The following KRTAP10-12 variants were observed in gnomAD, a reference collection of about 807,000 sequenced individuals.
KRTAP10-12 encodes keratin-associated protein 10-12.
For missense variants in KRTAP10-12, 311 were observed against 324.4 expected (o/e 0.96, Z 0.32); for synonymous variants, 142 against 139.1 (o/e 1.02, Z -0.14).
At position 44,697,661 on chromosome 21, in the gene KRTAP10-12, C is replaced by G; in HGVS notation, c.460C>G (p.Pro154Ala). The change falls in exon 1 of 1, where the codon CCC becomes GCC. Residue 154 changes from proline to alanine, a missense_variant. Pro to Ala is a conservative substitution (Grantham distance 27, BLOSUM62 -1). Transcript: ENST00000400365. ...CCCGTGTCAACAGTCCTGCTGTGTG[C>G]CCGTCTGCTGCAAGCCCATCTGCTG... ...SSPCQQSCCV[P>A]VCCKPICCVP... 1.2e-6 allele frequency: 2 copies of G among 1,612,976 alleles called. No homozygotes were observed. The highest frequency in any genetic ancestry group is 1.7e-6 in the Non-Finnish European group (2 of 1,179,894).
Position 44,697,892 on chromosome 21 carries a change from T to C in KRTAP10-12, c.691T>C (p.Cys231Arg). 6.2e-7 allele frequency: 1 copy of C among 1,603,136 alleles called. No homozygotes were observed. Among genetic ancestry groups the C allele is most frequent in the Non-Finnish European group, 8.5e-7 (1 of 1,174,542 alleles). Residue 231 changes from cysteine to arginine, a missense_variant, in exon 1 of 1, where the codon TGC (cysteine) becomes CGC (arginine). Physicochemically the swap from Cys to Arg is radical, Grantham distance 180. Coordinates refer to ENST00000400365, the MANE Select transcript of KRTAP10-12 (RefSeq NM_198699.1). ...CQPSCGRLAS[C>R]GSLLCRPTCS... Reference sequence around the variant, plus strand: ...GCCAAGCTGCGGCCGCCTGGCCTCCTGCGGGTCCCTCCTCTGCCGCCCCAC... The same window carrying C: ...GCCAAGCTGCGGCCGCCTGGCCTCCCGCGGGTCCCTCCTCTGCCGCCCCAC...
Position 44,697,359 on chromosome 21 carries a change from C to T in KRTAP10-12, c.158C>T (p.Thr53Ile), listed in dbSNP as rs781903322. 2.5e-6 allele frequency: 4 copies of T among 1,613,124 alleles called. No homozygotes were observed. The African/African-American group carries it at 5.3e-5, about 22-fold the overall frequency. Residue 53 changes from threonine (T) to isoleucine (I), a missense_variant, in exon 1 of 1, where the codon ACC becomes ATC. Transcript: ENST00000400365. ...GCCCCCTGCCTGAGCCTGGTCTGCACCCCAGTGAGCCGTGTATCCAGCCCC... is the reference window on the plus strand; with the variant it reads ...GCCCCCTGCCTGAGCCTGGTCTGCATCCCAGTGAGCCGTGTATCCAGCCCC... ...APAPCLSLVC[T>I]PVSRVSSPCC...
chr21:44,697,989 G>A lies in KRTAP10-12; in HGVS notation c.*50G>A. 6.4e-7 allele frequency: 1 copy of A among 1,573,028 alleles called. No individual in the cohort carries two copies. Among genetic ancestry groups the A allele is most frequent in the Non-Finnish European group, 8.6e-7 (1 of 1,158,298 alleles). The stretch of plus-strand genomic sequence containing the variant: ...AGCTGCTGCCAGGCATGTCCCCCAG[G>A]GCCACTGGGCACTATGAGTCCCCCA... On this transcript the variant is annotated 3_prime_UTR_variant, in exon 1 of 1. Transcript: ENST00000400365.
Position 44,697,243 on chromosome 21 carries a change from C to T in KRTAP10-12, c.42C>T (p.Val14=). 1.2e-5 allele frequency: 19 copies of T among 1,614,088 alleles called. No homozygotes were observed. The highest frequency in any genetic ancestry group is 1.6e-5 in the Non-Finnish European group (19 of 1,179,982). ...CSSDLSYGSR[V]CLPGSCDSCS... is the part of the protein sequence containing the mutation. ...GCGACCTGAGCTATGGCAGCCGCGT[C>T]TGCCTTCCTGGTTCCTGTGACTCTT... Residue 14 remains valine, a synonymous_variant, in exon 1 of 1, where the codon GTC becomes GTT. Coordinates refer to ENST00000400365, the MANE Select transcript of KRTAP10-12 (RefSeq NM_198699.1).
chr21:44,697,398 C>G lies in KRTAP10-12; in HGVS notation c.197C>G (p.Thr66Ser), dbSNP rs374287658. ...SRVSSPCCRV[T>S]CEPSPCQSGC... ...GTATCCAGCCCCTGCTGCCGAGTGA[C>G]CTGTGAGCCCAGCCCCTGCCAATCA... The change falls in exon 1 of 1, where the codon ACC (threonine) becomes AGC (serine). Residue 66 changes from threonine to serine, a missense_variant. Coordinates refer to ENST00000400365, the MANE Select transcript of KRTAP10-12 (RefSeq NM_198699.1). 1.8e-5 allele frequency: 29 copies of G among 1,613,500 alleles called. No homozygotes were observed. In the African/African-American group the frequency reaches 3.9e-4, roughly 22 times the overall value.
At position 44,697,710 on chromosome 21, in the gene KRTAP10-12, CCTCT is replaced by C. The variant is rs782337229; in HGVS notation, c.512_515del (p.Ser171CysfsTer97). On this transcript the variant is annotated frameshift_variant, in exon 1 of 1. Coordinates refer to ENST00000400365, the MANE Select transcript of KRTAP10-12 (RefSeq NM_198699.1). LOFTEE classifies it low-confidence loss of function (END_TRUNC). The stretch of plus-strand genomic sequence containing the variant: ...TGTGTGCCTGTCTGCTCTGGGGCCT[CCTCT>C]CTGTGCTGCCAGCAGTCTAGCTGCC... 3 of 1,613,140 alleles carry C rather than the reference CCTCT, an allele frequency of 1.9e-6. No individual in the cohort carries two copies. In the African/African-American group the frequency reaches 4.0e-5, roughly 22 times the overall value.
rs1555951007 is a variant in KRTAP10-12 at position 44,697,913 on chromosome 21, CCCA to C, written c.714_716del (p.Thr239del). 6 of 1,612,308 alleles carry C rather than the reference CCCA, an allele frequency of 3.7e-6. No homozygotes were observed. On this transcript the variant is annotated inframe_deletion, in exon 1 of 1. Transcript: ENST00000400365. Reference sequence around the variant, plus strand: ...CTCCTGCGGGTCCCTCCTCTGCCGCCCCACATGTTCCCGCCTGGCCTGCTGAGG... The same window carrying C: ...CTCCTGCGGGTCCCTCCTCTGCCGCCCATGTTCCCGCCTGGCCTGCTGAGG...
chr21:44,697,810 C>T lies in KRTAP10-12; in HGVS notation c.609C>T (p.Cys203=). The T allele has an allele frequency of 1.2e-6, 2 of 1,613,628 alleles. No individual in the cohort carries two copies. The highest frequency in any genetic ancestry group is 1.7e-6 in the Non-Finnish European group (2 of 1,179,854). ...TGTCCCTCCTCTGCCGCCCTGTGTG[C>T]AGACCCGCCCGCCGCGTGCCCGTCC... The part of the protein sequence containing the change: ...SSVSLLCRPV[C]RPARRVPVPS... Residue 203 remains cysteine (C), a synonymous_variant, in exon 1 of 1, where the codon TGC becomes TGT. Coordinates refer to ENST00000400365, the MANE Select transcript of KRTAP10-12 (RefSeq NM_198699.1).
Position 44,697,565 on chromosome 21 carries a change from C to T in KRTAP10-12, c.364C>T (p.Pro122Ser), listed in dbSNP as rs1987426032. Residue 122 changes from proline to serine, a missense_variant, in exon 1 of 1, where the codon CCC (proline) becomes TCC (serine). Pro to Ser is a moderately conservative substitution (Grantham distance 74, BLOSUM62 -1). Coordinates refer to ENST00000400365, the MANE Select transcript of KRTAP10-12 (RefSeq NM_198699.1). ...CTGCTGCAAGCCTGTGTGCTGTATG[C>T]CCGTCTGCTGTGGGCCTTCTTCTTC... ...TVCCKPVCCM[P>S]VCCGPSSSCC... 5 of 1,613,388 alleles carry T rather than the reference C, an allele frequency of 3.1e-6. No homozygotes were observed. The highest frequency in any genetic ancestry group is 3.4e-6 in the Non-Finnish European group (4 of 1,179,858).
chr21:44,697,690 G>A lies in KRTAP10-12; in HGVS notation c.489G>A (p.Val163=), dbSNP rs781816129. The A allele has an allele frequency of 1.2e-6, 2 of 1,612,698 alleles. No individual in the cohort carries two copies. The highest frequency in any genetic ancestry group is 1.7e-6 in the Non-Finnish European group (2 of 1,179,908). The change falls in exon 1 of 1, where the codon GTG becomes GTA. Residue 163 remains valine (V), a synonymous_variant. Transcript: ENST00000400365. ...VPVCCKPICC[V]PVCSGASSLC... is the part of the protein sequence containing the mutation. ...TCTGCTGCAAGCCCATCTGCTGTGT[G>A]CCTGTCTGCTCTGGGGCCTCCTCTC...
Position 44,698,036 on chromosome 21 carries a change from CG to C in KRTAP10-12, c.*99del. 1 of 1,438,994 alleles carries C rather than the reference CG, an allele frequency of 6.9e-7. No homozygotes were observed. The highest frequency in any genetic ancestry group is 9.5e-7 in the Non-Finnish European group (1 of 1,056,652). 89.1% of individuals were successfully genotyped at this position (1,438,994 alleles called of 1,614,324 possible). A position where few individuals can be genotyped will look rare whatever the true frequency, so the allele number is the denominator to read the frequency against. On this transcript the variant is annotated 3_prime_UTR_variant, in exon 1 of 1. Coordinates refer to ENST00000400365, the MANE Select transcript of KRTAP10-12 (RefSeq NM_198699.1). ...CCCACCTCTCCCACTACTGGCCCCT[CG>C]GCTGCTCTGGTGTCTGTCTCTTCCT...
Position 44,697,188 on chromosome 21 carries a change from C to A in KRTAP10-12, c.-14C>A. ...AGCTCCCCCAGCTCAACCCCCAGCA[C>A]GGCTGCATCCACCATGTCCGTCTGC... On this transcript the variant is annotated 5_prime_UTR_variant, in exon 1 of 1. Transcript: ENST00000400365. The A allele has an allele frequency of 6.2e-7, 1 of 1,610,936 alleles. No individual in the cohort carries two copies. Among genetic ancestry groups the A allele is most frequent in the Non-Finnish European group, 8.5e-7 (1 of 1,178,414 alleles).
At position 44,697,735 on chromosome 21, in the gene KRTAP10-12, C is replaced by T. The variant is rs782482456; in HGVS notation, c.534C>T (p.Ser178=). The part of the protein sequence containing the change: ...GASSLCCQQS[S]CQPACCTTSC... ...CCTCTCTGTGCTGCCAGCAGTCTAGCTGCCAGCCAGCTTGCTGCACCACCT... is the reference window on the plus strand; with the variant it reads ...CCTCTCTGTGCTGCCAGCAGTCTAGTTGCCAGCCAGCTTGCTGCACCACCT... Residue 178 remains serine, a synonymous_variant, in exon 1 of 1, where the codon AGC becomes AGT. Transcript: ENST00000400365. The T allele has an allele frequency of 3.1e-6, 5 of 1,614,172 alleles. No homozygotes were observed. In the South Asian group the frequency reaches 4.4e-5, roughly 14 times the overall value.
In KRTAP10-12 at chr21:44,697,675, G is replaced by A. The variant is rs1193716906; in HGVS notation, c.474G>A (p.Lys158=). ...CCTGCTGTGTGCCCGTCTGCTGCAA[G>A]CCCATCTGCTGTGTGCCTGTCTGCT... ...QQSCCVPVCC[K]PICCVPVCSG... Residue 158 remains lysine (K), a synonymous_variant, in exon 1 of 1, where the codon AAG becomes AAA. Coordinates refer to ENST00000400365, the MANE Select transcript of KRTAP10-12 (RefSeq NM_198699.1). The A allele has an allele frequency of 2.5e-6, 4 of 1,612,818 alleles. No homozygotes were observed. The African/African-American group carries it at 4.0e-5, about 16-fold the overall frequency.
In KRTAP10-12 at chr21:44,697,399, C is replaced by T; in HGVS notation, c.198C>T (p.Thr66=). The T allele has an allele frequency of 6.2e-7, 1 of 1,613,680 alleles. No homozygotes were observed. Among genetic ancestry groups the T allele is most frequent in the South Asian group, 1.1e-5 (1 of 91,074 alleles). ...TATCCAGCCCCTGCTGCCGAGTGAC[C>T]TGTGAGCCCAGCCCCTGCCAATCAG... The part of the protein sequence containing the change: ...SRVSSPCCRV[T]CEPSPCQSGC... Residue 66 remains threonine (T), a synonymous_variant, in exon 1 of 1, where the codon ACC becomes ACT. Coordinates refer to ENST00000400365, the MANE Select transcript of KRTAP10-12 (RefSeq NM_198699.1).
Position 44,697,371 on chromosome 21 carries a change from G to C in KRTAP10-12, c.170G>C (p.Arg57Pro). 6.2e-7 allele frequency: 1 copy of C among 1,613,182 alleles called. No individual in the cohort carries two copies. The highest frequency in any genetic ancestry group is 1.3e-5 in the African/African-American group (1 of 74,976). Reference sequence around the variant, plus strand: ...AGCCTGGTCTGCACCCCAGTGAGCCGTGTATCCAGCCCCTGCTGCCGAGTG... The same window carrying C: ...AGCCTGGTCTGCACCCCAGTGAGCCCTGTATCCAGCCCCTGCTGCCGAGTG... ...CLSLVCTPVS[R>P]VSSPCCRVTC... is the part of the protein sequence containing the mutation. The change falls in exon 1 of 1, where the codon CGT becomes CCT. Residue 57 changes from arginine (R) to proline (P), a missense_variant. Transcript: ENST00000400365.
chr21:44,697,517 G>T lies in KRTAP10-12; in HGVS notation c.316G>T (p.Val106Leu). 6.2e-7 allele frequency: 1 copy of T among 1,613,810 alleles called. No individual in the cohort carries two copies. Among genetic ancestry groups the T allele is most frequent in the South Asian group, 1.1e-5 (1 of 91,058 alleles). Residue 106 changes from valine (V) to leucine (L), a missense_variant, in exon 1 of 1, where the codon GTG becomes TTG. By Grantham distance (32) the Val-to-Leu change is conservative. Transcript: ENST00000400365. ...TSSPCQQACC[V>L]PVCCKTVCCK... is the part of the protein sequence containing the mutation. ...CTCCCCCTGCCAGCAGGCCTGCTGCGTGCCCGTCTGCTGCAAGACTGTCTG... is the reference window on the plus strand; with the variant it reads ...CTCCCCCTGCCAGCAGGCCTGCTGCTTGCCCGTCTGCTGCAAGACTGTCTG...
chr21:44,697,918 A>T lies in KRTAP10-12; in HGVS notation c.717A>T (p.Thr239=). ...GCGGGTCCCTCCTCTGCCGCCCCAC[A>T]TGTTCCCGCCTGGCCTGCTGAGGCC... is the stretch of plus-strand genomic sequence containing the variant. ...ASCGSLLCRP[T]CSRLAC Residue 239 remains threonine (T), a synonymous_variant, in exon 1 of 1, where the codon ACA becomes ACT. Transcript: ENST00000400365. 6.2e-7 allele frequency: 1 copy of T among 1,611,888 alleles called. No individual in the cohort carries two copies. The highest frequency in any genetic ancestry group is 1.7e-4 in the Middle Eastern group (1 of 6,040).
Position 44,697,668 on chromosome 21 carries a change from G to A in KRTAP10-12, c.467G>A (p.Cys156Tyr). 6.2e-7 allele frequency: 1 copy of A among 1,613,004 alleles called. No individual in the cohort carries two copies. Residue 156 changes from cysteine (C) to tyrosine (Y), a missense_variant, in exon 1 of 1, where the codon TGC becomes TAC. Transcript: ENST00000400365. The part of the protein sequence containing the change: ...PCQQSCCVPV[C>Y]CKPICCVPVC... Reference sequence around the variant, plus strand: ...CAACAGTCCTGCTGTGTGCCCGTCTGCTGCAAGCCCATCTGCTGTGTGCCT... The same window carrying A: ...CAACAGTCCTGCTGTGTGCCCGTCTACTGCAAGCCCATCTGCTGTGTGCCT...
Sources: allele counts gnomAD v4.1 joint callset, GRCh38; gene constraint gnomAD v4.1.1; transcripts MANE v1.5; gene names NCBI Gene and HGNC (gene_info 2026-07-23, HGNC 2026-07-21).